The following WIPI2 variants were observed in gnomAD, a reference collection of about 807,000 sequenced individuals.
The protein encoded by WIPI2 is WD repeat domain phosphoinositide-interacting protein 2.
A neutral mutation model predicts 52.3 loss-of-function variants in WIPI2; 28 were observed. The ratio of observed to expected loss-of-function variants is 0.54; its 90% CI spans 0.40 to 0.73. WIPI2 has a LOEUF of 0.73. Among genes scored for constraint, WIPI2 ranks in the 30% least tolerant of loss-of-function variants. WIPI2 has a pLI of 0.00. For missense variants in WIPI2, 506 were observed against 602.9 expected (o/e 0.84, Z 1.68); for synonymous variants, 268 against 245.0 (o/e 1.09, Z -0.88).
At chr7:5,192,032 G>A (rs1282530737) in intron 1 of WIPI2, among the ~76,000 whole-genome samples, 3 of 152,172 alleles carry the variant, frequency 2.0e-5, no homozygotes, top group African/African-American at 4.8e-5. Context: ...CTCTTCCAAT[G>A]TTCTTTCTGC....
At position 5,225,813 on chromosome 7, in the gene WIPI2, G is replaced by GTC. The variant is rs1374125732; in HGVS notation, c.741-7_741-6dup. On this transcript the variant is annotated splice_polypyrimidine_tract_variant and intron_variant, in intron 8 of 12. Transcript: ENST00000288828. ...TCCGGTGGCCCGCCCCAACCTGTGCGTCTCCCCAGGTGCGTGAGCATCTGC... is the reference window on the plus strand; with the variant it reads ...TCCGGTGGCCCGCCCCAACCTGTGCGTCTCTCCCCAGGTGCGTGAGCATCTGC... 1.9e-6 allele frequency: 3 copies of GTC among 1,602,582 alleles called. No homozygotes were observed. Among genetic ancestry groups the GTC allele is most frequent in the Non-Finnish European group, 1.7e-6 (2 of 1,173,572 alleles).
Position 5,199,605 on chromosome 7 carries a change from A to T in WIPI2, c.158A>T (p.Tyr53Phe), listed in dbSNP as rs1781925951. The T allele has an allele frequency of 2.5e-6, 4 of 1,613,342 alleles. No individual in the cohort carries two copies. The highest frequency in any genetic ancestry group is 3.4e-6 in the Non-Finnish European group (4 of 1,179,924). The change falls in exon 3 of 13, where the codon TAT becomes TTT. Residue 53 changes from tyrosine (Y) to phenylalanine (F), a missense_variant. Coordinates refer to ENST00000288828, the MANE Select transcript of WIPI2 (RefSeq NM_015610.4). ...WSLAVGSKSGYKFFSLSSVDK... is the reference protein window; with the variant it reads ...WSLAVGSKSGFKFFSLSSVDK... ...CTAGCTGTTGGTAGTAAGTCCGGTTATAAATTTTTCTCCCTTTCTTCTGTG... is the reference window on the plus strand; with the variant it reads ...CTAGCTGTTGGTAGTAAGTCCGGTTTTAAATTTTTCTCCCTTTCTTCTGTG...
chr7:5,224,542 C>T lies in WIPI2; in HGVS notation c.741-1281C>T, dbSNP rs561658376. Among the ~76,000 whole-genome samples, 197 of 152,232 alleles carry T rather than the reference C, an allele frequency of 1.3e-3. 1 individual carries two copies. Among genetic ancestry groups the T allele is most frequent in the African/African-American group, 4.3e-3 (180 of 41,518 alleles). On this transcript the variant is annotated intron_variant, in intron 8 of 12. Transcript: ENST00000288828. ...TTTACTACTACTCAAATCAGTCTGT[C>T]TGAGCATTCAGGGAGCAGAGTTTTT...
intron 7 of WIPI2, among the ~76,000 whole-genome samples, chr7:5,220,836 C>G (rs1783085162): frequency 1.3e-5 from 2 of 151,926 alleles, no homozygotes; most frequent in Non-Finnish European, 2.9e-5. Flanking sequence ...CTCTGTAGCC[C>G]AAGCTGGAGT....
At chr7:5,211,537 C>G (rs1006814935) in intron 3 of WIPI2, among the ~76,000 whole-genome samples, 3 of 152,170 alleles carry the variant, frequency 2.0e-5, no homozygotes, top group South Asian at 2.1e-4. Flanking sequence ...AGTGTTTATG[C>G]GGGGTCACAA....
chr7:5,193,619 T>C (rs1315680407), intron 2 of WIPI2, among the ~76,000 whole-genome samples: 1 of 152,246 alleles, frequency 6.6e-6, no homozygotes, highest in African/African-American at 2.4e-5. Flanking sequence ...CAGTTTGAAG[T>C]GCAGTGGCAT....
intron 3 of WIPI2, among the ~76,000 whole-genome samples, chr7:5,210,671 C>T (rs1021053200): frequency 3.9e-5 from 6 of 152,136 alleles, no homozygotes; most frequent in Non-Finnish European, 7.4e-5. Context: ...GCAGTAAGAA[C>T]CTATTCTTTG....
rs113075099 is a variant in WIPI2, at chr7:5,209,993, C to T, written c.212-4542C>T. Among the ~76,000 whole-genome samples the T allele has an allele frequency of 3.7e-4, 56 of 152,216 alleles. 1 individual carries two copies. Among genetic ancestry groups the T allele is most frequent in the Middle Eastern group, 3.4e-3 (1 of 294 alleles). On this transcript the variant is annotated intron_variant, in intron 3 of 12. Transcript: ENST00000288828. ...TGCCATCTCGGCTGGCTGCAACCTC[C>T]GTCTCTCAGGTTCAACTGATGCTCC...
rs576706988 is a variant in WIPI2, at chr7:5,199,488, G to A, written c.129-88G>A. The A allele has an allele frequency of 1.5e-4, 172 of 1,158,918 alleles. No homozygotes were observed. The African/African-American group carries it at 2.1e-3, about 14-fold the overall frequency. The allele number at this position is 1,158,918 out of a possible 1,614,324, so 71.8% of individuals were successfully genotyped here. ...TGGAGGGCACGCGGGGAACTTGCTG[G>A]GAACTCGCTGGGAACGTGGGAGCTG... On this transcript the variant is annotated intron_variant, in intron 2 of 12. Transcript: ENST00000288828.
intron 3 of WIPI2, chr7:5,214,321 C>T: frequency 6.4e-7 from 1 of 1,558,466 alleles, no homozygotes; most frequent in South Asian, 1.1e-5. Flanking sequence ...TCGTGAGGGG[C>T]CATCCTTAGA....
In WIPI2 at chr7:5,232,134, G is replaced by A; in HGVS notation, c.*1187G>A. On this transcript the variant is annotated 3_prime_UTR_variant, in exon 13 of 13. Coordinates refer to ENST00000288828, the MANE Select transcript of WIPI2 (RefSeq NM_015610.4). ...CCAAAGTGTCGAGGGCATTTAAGTG[G>A]CATTAATGGCAGGAGAGATGGTTTT... The A allele has an allele frequency of 2.5e-6, 1 of 398,988 alleles. No homozygotes were observed. The allele number at this position is 398,988 out of a possible 1,614,324, so 24.7% of individuals were successfully genotyped here. A position where few individuals can be genotyped will look rare whatever the true frequency, so the allele number is the denominator to read the frequency against.
At position 5,190,404 on chromosome 7, in the gene WIPI2, C is replaced by T; in HGVS notation, c.-16C>T. Reference sequence around the variant, plus strand: ...CGCGCCCTCCCCGGCCGGGCCCACTCGCCGCGCGCCCAGCCATGAACCTGG... The same window carrying T: ...CGCGCCCTCCCCGGCCGGGCCCACTTGCCGCGCGCCCAGCCATGAACCTGG... On this transcript the variant is annotated 5_prime_UTR_variant, in exon 1 of 13. Coordinates refer to ENST00000288828, the MANE Select transcript of WIPI2 (RefSeq NM_015610.4). 7 of 1,388,884 alleles carry T rather than the reference C, an allele frequency of 5.0e-6. No homozygotes were observed. The highest frequency in any genetic ancestry group is 6.6e-6 in the Non-Finnish European group (7 of 1,065,150). 86.0% of individuals were successfully genotyped at this position (1,388,884 alleles called of 1,614,324 possible).
chr7:5,221,328 C>G (rs565396292), intron 7 of WIPI2, among the ~76,000 whole-genome samples: 27 of 152,080 alleles, frequency 1.8e-4, no homozygotes, highest in Middle Eastern at 3.4e-3. Context: ...AGGGTGGTCT[C>G]GAACTCCTCA....
intron 3 of WIPI2, among the ~76,000 whole-genome samples, chr7:5,206,354 A>G: frequency 6.6e-6 from 1 of 152,352 alleles, no homozygotes; most frequent in South Asian, 2.1e-4. Context: ...TCAATAAAGA[A>G]AAAATCATTG....
chr7:5,219,967 C>T (rs1210389591), intron 7 of WIPI2, among the ~76,000 whole-genome samples: 1 of 151,914 alleles, frequency 6.6e-6, no homozygotes, highest in African/African-American at 2.4e-5. Flanking sequence ...TCCCAAGTAG[C>T]TGGGACTACA....
At chr7:5,219,254 G>T (rs1362081419) in intron 7 of WIPI2, among the ~76,000 whole-genome samples, 4 of 152,166 alleles carry the variant, frequency 2.6e-5, no homozygotes, top group Admixed American at 2.0e-4. Flanking sequence ...AGCAACAGAG[G>T]GGTCAGACTC....
rs1783623793 is a variant in WIPI2, at chr7:5,229,597, CT to C, written c.1122-9del. 8.7e-6 allele frequency: 14 copies of C among 1,611,588 alleles called. No homozygotes were observed. The highest frequency in any genetic ancestry group is 1.2e-5 in the Non-Finnish European group (14 of 1,179,062). On this transcript the variant is annotated splice_polypyrimidine_tract_variant and intron_variant, in intron 11 of 12. Coordinates refer to ENST00000288828, the MANE Select transcript of WIPI2 (RefSeq NM_015610.4). The stretch of plus-strand genomic sequence containing the variant: ...TGGAGACGCTGAGCTGTGTCGCTTT[CT>C]TCCCTCCAGGCTGGACGGCAGTCTG...
At chr7:5,192,979 C>T in intron 1 of WIPI2, 139 bp from the exon 2 acceptor site, 1 of 756,594 alleles carries the variant, frequency 1.3e-6, no homozygotes, top group Non-Finnish European at 2.2e-6. Flanking sequence ...ACATACCAAA[C>T]TATAACTGTC....
intron 1 of WIPI2, chr7:5,190,708 G>C: frequency 2.5e-6 from 1 of 406,672 alleles, no homozygotes; most frequent in South Asian, 7.9e-5. Context: ...CGGTCCCGGA[G>C]CGGGAGAGGT....
Sources: gnomAD v4.1 joint callset for allele counts (sites outside exome capture counted in the v4.1 genomes callset) on GRCh38, gnomAD v4.1.1 for gene constraint, MANE v1.5 for transcripts, NCBI Gene and HGNC (gene_info 2026-07-23, HGNC 2026-07-21) for gene names.